Variants in ATM observed in about 807,000 individuals in gnomAD.
ATM encodes ATM serine/threonine kinase.
A neutral mutation model predicts 387.0 loss-of-function variants in ATM; 308 were observed. The observed-to-expected ratio is 0.80, with a 90% confidence interval of 0.73 to 0.87. The LOEUF is 0.87. Ranked by LOEUF, ATM falls within the 40% of genes least tolerant of loss-of-function variation. The pLI is 0.00. For missense variants in ATM, 3,312 were observed against 3,560.9 expected (o/e 0.93, Z 1.78); for synonymous variants, 1,156 against 1,187.3 (o/e 0.97, Z 0.54).
At chr11:108,356,262 G>C (rs751786588) in intron 61 of ATM, among the ~76,000 whole-genome samples, 1 of 152,104 alleles carries the variant, frequency 6.6e-6, no homozygotes, top group African/African-American at 2.4e-5. Context: ...AGGGCTGGGC[G>C]CGGTGGCTCA....
chr11:108,336,155 A>C, intron 56 of ATM, 194 bp downstream of exon 56: 1 of 504,704 alleles, frequency 2.0e-6, no homozygotes, highest in African/African-American at 1.9e-5. Context: ...AAAAAAAAAA[A>C]AGCCAGAGAT....
chr11:108,277,704 G>A (rs2082021535), intron 22 of ATM, among the ~76,000 whole-genome samples: 2 of 152,080 alleles, frequency 1.3e-5, no homozygotes, highest in South Asian at 4.1e-4. Flanking sequence ...CCCTCCGTGG[G>A]CTGCACCCAC....
rs756160533 is a variant in ATM, at chr11:108,235,749, C to T, written c.411C>T (p.Tyr137=). The T allele has an allele frequency of 1.1e-5, 18 of 1,612,708 alleles. No homozygotes were observed. In the East Asian group the frequency reaches 2.7e-4, roughly 24 times the overall value. The change falls in exon 5 of 63, where the codon TAC becomes TAT. Residue 137 remains tyrosine (Y), a synonymous_variant. Transcript: ENST00000675843. ...TVKDSSNGAI[Y]GADCSNILLK... is the part of the protein sequence containing the mutation. Reference sequence around the variant, plus strand: ...AAGATTCATCTAATGGTGCTATTTACGGAGCTGATTGTAGCAACATACTAC... The same window carrying T: ...AAGATTCATCTAATGGTGCTATTTATGGAGCTGATTGTAGCAACATACTAC...
rs185716831 is a variant in ATM at position 108,259,539 on chromosome 11, C to G, written c.2466+464C>G. ...AAAATGTGGAAATTAAATAATTTGT[C>G]TTGTGGGGAAATATACCTGATTGCT... On this transcript the variant is annotated intron_variant, in intron 16 of 62. Transcript: ENST00000675843. Among the ~76,000 whole-genome samples, 290 of 152,198 alleles carry G rather than the reference C, an allele frequency of 1.9e-3. 1 individual carries two copies. The highest frequency in any genetic ancestry group is 6.5e-3 in the African/African-American group (269 of 41,558).
intron 50 of ATM, 69 bp from the exon 51 acceptor site, chr11:108,331,375 T>C: frequency 6.4e-7 from 1 of 1,557,416 alleles, no homozygotes; most frequent in Non-Finnish European, 8.7e-7. Flanking sequence ...TAAAATAACT[T>C]ACTTGCTTAG....
At position 108,264,763 on chromosome 11, in the gene ATM, T is replaced by C. The variant is rs1199807635; in HGVS notation, c.2467-2408T>C. 8.0e-3 allele frequency among the ~76,000 whole-genome samples: 1,009 copies of C among 125,800 alleles called. 14 individuals are homozygous for C. The highest frequency in any genetic ancestry group is 0.029 in the African/African-American group (938 of 32,022). 82.5% of individuals were successfully genotyped at this position (125,800 alleles called of 152,430 possible). A position where few individuals can be genotyped will look rare whatever the true frequency, so the allele number is the denominator to read the frequency against. On this transcript the variant is annotated intron_variant, in intron 16 of 62. Coordinates refer to ENST00000675843, the MANE Select transcript of ATM (RefSeq NM_000051.4). ...GTCTCAGCCCAAAATCTCCTTAAGC[T>C]GATAAGCAACTTCAGCAAAGTCTCA...
chr11:108,288,075 T>C (rs1175277405), intron 27 of ATM, among the ~76,000 whole-genome samples: 2 of 151,912 alleles, frequency 1.3e-5, no homozygotes, highest in African/African-American at 4.8e-5. Context: ...GATCACCTTT[T>C]CTTTTTTTTT....
chr11:108,359,726 T>C (rs910013311), intron 61 of ATM, among the ~76,000 whole-genome samples: 3 of 151,912 alleles, frequency 2.0e-5, no homozygotes, highest in African/African-American at 7.3e-5. Context: ...AAGGCAGAAA[T>C]AAAGATGTTC....
chr11:108,357,864 T>G (rs971625507), intron 61 of ATM, among the ~76,000 whole-genome samples: 2 of 151,080 alleles, frequency 1.3e-5, no homozygotes, highest in Admixed American at 6.6e-5. Context: ...ACAGAAAAAC[T>G]GGAAACTCTA....
chr11:108,354,959 C>T, intron 61 of ATM, 85 bp downstream of exon 61: 2 of 1,146,152 alleles, frequency 1.7e-6, no homozygotes, highest in African/African-American at 1.5e-5. Flanking sequence ...ATGTGAAGAG[C>T]ACTGCTTCAT....
intron 17 of ATM, among the ~76,000 whole-genome samples, chr11:108,267,584 C>G (rs560871456): frequency 6.6e-6 from 1 of 152,164 alleles, no homozygotes; most frequent in East Asian, 1.9e-4. Flanking sequence ...CCAGGCCAGG[C>G]ATGGTGGCTC....
chr11:108,336,513 T>C (rs2086876657), intron 56 of ATM: 1 of 157,036 alleles, frequency 6.4e-6, no homozygotes, highest in Non-Finnish European at 1.4e-5. Context: ...TTTCTCATTT[T>C]TTAACAGCTG....
Position 108,250,508 on chromosome 11 carries a change from C to T in ATM, c.1236-193C>T, listed in dbSNP as rs4987942. Among the ~76,000 whole-genome samples, 1,957 of 152,132 alleles carry T rather than the reference C, an allele frequency of 0.013. 51 individuals are homozygous for T. The highest frequency in any genetic ancestry group is 0.044 in the African/African-American group (1,819 of 41,488). ...TTAACAGCTTACCCAGCTAGCCAAA[C>T]GTTGACAATTTTCCTGCCAATTTAG... On this transcript the variant is annotated intron_variant, in intron 9 of 62. Transcript: ENST00000675843.
intron 17 of ATM, 113 bp from the exon 18 acceptor site, chr11:108,268,297 A>G: frequency 1.1e-6 from 1 of 903,414 alleles, no homozygotes; most frequent in South Asian, 1.4e-5. Context: ...ATTTCACTAT[A>G]ATTTTGCTTT....
At chr11:108,293,877 C>CA (rs33977155) in intron 31 of ATM, among the ~76,000 whole-genome samples, 1,779 of 106,092 alleles carry the variant, frequency 0.017, 17 homozygotes, top group Non-Finnish European at 0.023. Flanking sequence ...GACCCTGTCT[C>CA]AAAAAAAAAA....
chr11:108,242,024 G>C (rs1055085091), intron 5 of ATM, among the ~76,000 whole-genome samples: 1 of 151,592 alleles, frequency 6.6e-6, no homozygotes, highest in Non-Finnish European at 1.5e-5. Context: ...TCAGCTCCTC[G>C]ATGTCTTTTT....
chr11:108,312,345 G>A, intron 39 of ATM, 66 bp from the exon 40 acceptor site: 1 of 1,190,758 alleles, frequency 8.4e-7, no homozygotes, highest in Non-Finnish European at 1.3e-6. Context: ...AAAGTCTATA[G>A]TATATGTATT....
chr11:108,357,225 C>T (rs1034443871), intron 61 of ATM, among the ~76,000 whole-genome samples: 9 of 152,200 alleles, frequency 5.9e-5, no homozygotes, highest in South Asian at 2.1e-4. Context: ...CCGAATATTG[C>T]GCTTTTTGGA....
At chr11:108,305,301 C>T (rs754859187) in intron 37 of ATM, among the ~76,000 whole-genome samples, 2 of 152,158 alleles carry the variant, frequency 1.3e-5, no homozygotes, top group Non-Finnish European at 2.9e-5. Context: ...AGCCTTTGGC[C>T]GGGCACAGTG....
Sources: gnomAD v4.1 joint callset for allele counts (sites outside exome capture counted in the v4.1 genomes callset) on GRCh38, gnomAD v4.1.1 for gene constraint, MANE v1.5 for transcripts, NCBI Gene and HGNC (gene_info 2026-07-23, HGNC 2026-07-21) for gene names.